The following ATXN10 variants were observed in gnomAD, a reference collection of about 807,000 sequenced individuals.
ATXN10 encodes the protein ataxin 10.
ATXN10 carries 28 observed loss-of-function variants against 52.9 expected under a neutral mutation model. The observed-to-expected ratio is 0.53, with a 90% confidence interval of 0.39 to 0.73. The LOEUF (loss-of-function observed/expected upper bound fraction) is 0.73. Ranked by LOEUF, ATXN10 falls within the 30% of genes least tolerant of loss-of-function variation. The pLI, the probability that ATXN10 is intolerant of heterozygous loss-of-function variation, is 0.00. For missense variants in ATXN10, 565 were observed against 577.0 expected (o/e 0.98, Z 0.21); for synonymous variants, 226 against 221.5 (o/e 1.02, Z -0.18).
At chr22:45,731,321 C>T (rs1925081248) in intron 7 of ATXN10, among the ~76,000 whole-genome samples, 1 of 152,102 alleles carries the variant, frequency 6.6e-6, no homozygotes, top group Admixed American at 6.5e-5. Flanking sequence ...TCAGATGTCA[C>T]CTGGGTCTGG....
chr22:45,812,484 A>G (rs907741829), intron 10 of ATXN10, among the ~76,000 whole-genome samples: 2 of 152,096 alleles, frequency 1.3e-5, no homozygotes, highest in Admixed American at 6.6e-5. Context: ...ATCTGGGGGG[A>G]GAGGGTGGTT....
rs34402219 is a variant in ATXN10, at chr22:45,841,350, C to A, written c.1238-1641C>A. 0.027 allele frequency among the ~76,000 whole-genome samples: 4,101 copies of A among 152,310 alleles called. 63 individuals carry two copies. Among genetic ancestry groups the A allele is most frequent in the South Asian group, 0.073 (354 of 4,826 alleles). On this transcript the variant is annotated intron_variant, in intron 10 of 11. Coordinates refer to ENST00000252934, the MANE Select transcript of ATXN10 (RefSeq NM_013236.4). The surrounding 1 kb of genome is among the most constrained non-coding windows in gnomAD (Gnocchi z 5.1). ...ATCTGGAAAAGGTCAGTCATTTATACCCACCAGTGGTTTTGATGCTAAACC... is the reference window on the plus strand; with the variant it reads ...ATCTGGAAAAGGTCAGTCATTTATAACCACCAGTGGTTTTGATGCTAAACC...
At chr22:45,702,954 G>T in intron 5 of ATXN10, 107 bp downstream of exon 5, 1 of 1,379,718 alleles carries the variant, frequency 7.2e-7, no homozygotes, top group Non-Finnish European at 1.0e-6. Context: ...TGAACGATAA[G>T]TTAAAACTTA....
chr22:45,825,598 A>G lies in ATXN10; in HGVS notation c.1238-17393A>G, dbSNP rs1928788451. 1.3e-5 allele frequency among the ~76,000 whole-genome samples: 2 copies of G among 152,224 alleles called. No homozygotes were observed. The highest frequency in any genetic ancestry group is 4.8e-5 in the African/African-American group (2 of 41,446). ...TGAATTCTAGAGTTACCACATTATT[A>G]GAGTCAGATGTCCCATTTAAAAAAC... On this transcript the variant is annotated intron_variant, in intron 10 of 11. Transcript: ENST00000252934. The surrounding 1 kb of genome is among the most constrained non-coding windows in gnomAD (Gnocchi z 4.5).
At chr22:45,710,946 C>T (rs1400291231) in intron 5 of ATXN10, among the ~76,000 whole-genome samples, 1 of 152,094 alleles carries the variant, frequency 6.6e-6, no homozygotes, top group African/African-American at 2.4e-5. Context: ...TTCTCCTGAA[C>T]CAGATAAGAC....
chr22:45,695,660 A>AT (rs1296950236), intron 3 of ATXN10, among the ~76,000 whole-genome samples: 18 of 151,476 alleles, frequency 1.2e-4, no homozygotes, highest in Non-Finnish European at 2.1e-4. Flanking sequence ...CACTCGGCTG[A>AT]TTTTTTGTAT....
Position 45,781,594 on chromosome 22 carries a change from G to A in ATXN10, c.1174-25365G>A, listed in dbSNP as rs2146853957. ...AATCATGGGTTACACTAAGGACCAG[G>A]AAAATCTTAGCTTAAGTGAGCAAAG... On this transcript the variant is annotated intron_variant, in intron 9 of 11. Coordinates refer to ENST00000252934, the MANE Select transcript of ATXN10 (RefSeq NM_013236.4). The surrounding 1 kb of genome is among the most constrained non-coding windows in gnomAD (Gnocchi z 4.2). Among the ~76,000 whole-genome samples the A allele has an allele frequency of 6.6e-6, 1 of 152,318 alleles. No homozygotes were observed. The highest frequency in any genetic ancestry group is 2.4e-5 in the African/African-American group (1 of 41,566).
In ATXN10 at chr22:45,718,165, A is replaced by T. The variant is rs1453914056; in HGVS notation, c.648-248A>T. On this transcript the variant is annotated intron_variant, in intron 5 of 11. Coordinates refer to ENST00000252934, the MANE Select transcript of ATXN10 (RefSeq NM_013236.4). The surrounding 1 kb of genome is among the most constrained non-coding windows in gnomAD (Gnocchi z 4.4). ...AGTAGCCCTGTCTTCCCGTTGAATC[A>T]ATTTAAATTATTTCCATAAAGCTTT... 2.6e-5 allele frequency among the ~76,000 whole-genome samples: 4 copies of T among 152,198 alleles called. No homozygotes were observed. Among genetic ancestry groups the T allele is most frequent in the African/African-American group, 9.6e-5 (4 of 41,456 alleles).
intron 10 of ATXN10, among the ~76,000 whole-genome samples, chr22:45,834,745 G>A (rs1929109369): frequency 6.6e-6 from 1 of 152,092 alleles, no homozygotes. Flanking sequence ...CTGAGCACAT[G>A]GTGAGCACAC....
intron 10 of ATXN10, among the ~76,000 whole-genome samples, chr22:45,811,055 T>C (rs1928263686): frequency 6.6e-6 from 1 of 152,218 alleles, no homozygotes; most frequent in South Asian, 2.1e-4. Context: ...TTTAAAACTT[T>C]TATGTTTTTA....
rs1929045270 is a variant in ATXN10, at chr22:45,833,106, C to T, written c.1238-9885C>T. ...CAGACTGCAGGTAACTCTTGAGTCA[C>T]CTATTACTGTTAGAAGTGAAAGCAG... On this transcript the variant is annotated intron_variant, in intron 10 of 11. Coordinates refer to ENST00000252934, the MANE Select transcript of ATXN10 (RefSeq NM_013236.4). This position sits in a 1 kb window ranked among gnomAD's most constrained non-coding sequence, Gnocchi z 4.3. Among the ~76,000 whole-genome samples, 1 of 152,180 alleles carries T rather than the reference C, an allele frequency of 6.6e-6. No homozygotes were observed. The highest frequency in any genetic ancestry group is 1.5e-5 in the Non-Finnish European group (1 of 68,032).
Position 45,764,247 on chromosome 22 carries a change from C to G in ATXN10, c.1173+23709C>G, listed in dbSNP as rs376878745. Among the ~76,000 whole-genome samples, 7 of 152,016 alleles carry G rather than the reference C, an allele frequency of 4.6e-5. No homozygotes were observed. In the South Asian group the frequency reaches 1.2e-3, roughly 27 times the overall value. ...ACCGCTACCCCCCAGCCCCCACCCC[C>G]ACTCCCACTCAGGCAAGCCTTGTTG... On this transcript the variant is annotated intron_variant, in intron 9 of 11. Coordinates refer to ENST00000252934, the MANE Select transcript of ATXN10 (RefSeq NM_013236.4).
chr22:45,729,459 A>G lies in ATXN10; in HGVS notation c.763A>G (p.Thr255Ala). 6.2e-7 allele frequency: 1 copy of G among 1,614,166 alleles called. No individual in the cohort carries two copies. Among genetic ancestry groups the G allele is most frequent in the South Asian group, 1.1e-5 (1 of 91,086 alleles). The change falls in exon 7 of 12, where the codon ACG becomes GCG. Residue 255 changes from threonine to alanine, a missense_variant. Transcript: ENST00000252934. Reference protein sequence around the residue: ...TLLDLMIAKITSDEPLTKDDI... With the variant: ...TLLDLMIAKIASDEPLTKDDI... Reference sequence around the variant, plus strand: ...GTTAGACCTTATGATAGCCAAGATAACGAGTGATGAGCCACTCACCAAGGA... The same window carrying G: ...GTTAGACCTTATGATAGCCAAGATAGCGAGTGATGAGCCACTCACCAAGGA...
rs1924951842 is a variant in ATXN10, at chr22:45,728,139, TTAC to T, written c.729-1285_729-1283del. Among the ~76,000 whole-genome samples the T allele has an allele frequency of 6.6e-6, 1 of 152,190 alleles. No individual in the cohort carries two copies. The highest frequency in any genetic ancestry group is 6.5e-5 in the Admixed American group (1 of 15,284). ...ACTATCCCAGCCATCATGTTGATTG[TTAC>T]CTGGATATTTTGTGTTCTCCATTGT... On this transcript the variant is annotated intron_variant, in intron 6 of 11. Transcript: ENST00000252934. The surrounding 1 kb of genome is among the most constrained non-coding windows in gnomAD (Gnocchi z 4.3).
At chr22:45,725,228 CTATA>C (rs901514405) in intron 6 of ATXN10, among the ~76,000 whole-genome samples, 9 of 152,042 alleles carry the variant, frequency 5.9e-5, no homozygotes, top group Non-Finnish European at 1.3e-4. Flanking sequence ...TGCATTGAAT[CTATA>C]TATTGCTTTG....
chr22:45,775,074 T>TC lies in ATXN10; in HGVS notation c.1174-31883dup, dbSNP rs1156458525. Among the ~76,000 whole-genome samples, 1 of 152,254 alleles carries TC rather than the reference T, an allele frequency of 6.6e-6. No homozygotes were observed. The highest frequency in any genetic ancestry group is 1.5e-5 in the Non-Finnish European group (1 of 68,040). ...AGTGTTGTATTACCAGAAGCACTTATCCACTCTGCAGATTTTAGGACTCCA... is the reference window on the plus strand; with the variant it reads ...AGTGTTGTATTACCAGAAGCACTTATCCCACTCTGCAGATTTTAGGACTCCA... On this transcript the variant is annotated intron_variant, in intron 9 of 11. Transcript: ENST00000252934. This position sits in a 1 kb window ranked among gnomAD's most constrained non-coding sequence, Gnocchi z 4.7.
rs1926438724 is a variant in ATXN10, at chr22:45,762,651, A to G, written c.1173+22113A>G. Among the ~76,000 whole-genome samples, 1 of 152,166 alleles carries G rather than the reference A, an allele frequency of 6.6e-6. No individual in the cohort carries two copies. Among genetic ancestry groups the G allele is most frequent in the Non-Finnish European group, 1.5e-5 (1 of 68,030 alleles). ...AGCACAGACTCCCAGAGCATGAACCAAGGGGCTTCCAGGCCTCAGGGACTG... is the reference window on the plus strand; with the variant it reads ...AGCACAGACTCCCAGAGCATGAACCGAGGGGCTTCCAGGCCTCAGGGACTG... On this transcript the variant is annotated intron_variant, in intron 9 of 11. Transcript: ENST00000252934. The surrounding 1 kb of genome is among the most constrained non-coding windows in gnomAD (Gnocchi z 4.3).
rs981462897 is a variant in ATXN10, at chr22:45,835,610, C to T, written c.1238-7381C>T. Among the ~76,000 whole-genome samples, 10 of 152,190 alleles carry T rather than the reference C, an allele frequency of 6.6e-5. No homozygotes were observed. The highest frequency in any genetic ancestry group is 1.0e-4 in the Non-Finnish European group (7 of 68,042). On this transcript the variant is annotated intron_variant, in intron 10 of 11. Coordinates refer to ENST00000252934, the MANE Select transcript of ATXN10 (RefSeq NM_013236.4). This position sits in a 1 kb window ranked among gnomAD's most constrained non-coding sequence, Gnocchi z 5.0. The stretch of plus-strand genomic sequence containing the variant: ...ACAGAGGTGTGAAATGTAGTTCTGT[C>T]AAACTCAGCAGTGTTTTATGGGGCC...
intron 9 of ATXN10, chr22:45,740,740 G>GTC (rs1569044580): frequency 3.3e-6 from 1 of 300,930 alleles, no homozygotes; most frequent in East Asian, 6.1e-5. Context: ...ACACACACAC[G>GTC]TGTGTGTGTG....
Sources: gnomAD v4.1 joint callset for allele counts (sites outside exome capture counted in the v4.1 genomes callset) on GRCh38, gnomAD v4.1.1 for gene constraint, Gnocchi (gnomAD v3.1) non-coding constraint, MANE v1.5 for transcripts, NCBI Gene and HGNC (gene_info 2026-07-23, HGNC 2026-07-21) for gene names.